Variants in SCFD1 observed in about 807,000 individuals in gnomAD.
SCFD1 encodes sec1 family domain containing 1.
A neutral mutation model predicts 103.2 loss-of-function variants in SCFD1; 37 were observed. The observed-to-expected ratio is 0.36, with a 90% CI of 0.28 to 0.47. The LOEUF (loss-of-function observed/expected upper bound fraction) is 0.47. Among genes scored for constraint, SCFD1 ranks in the 20% least tolerant of loss-of-function variants. SCFD1 has a pLI of 1.00. For synonymous variants in SCFD1, 264 were observed against 245.0 expected, an observed-to-expected ratio of 1.08 and a Z score of -0.73; for missense variants, 639 against 761.2, an observed-to-expected ratio of 0.84 and a Z score of 1.89.
At chr14:30,661,318 A>C (rs1213027503) in intron 10 of SCFD1, among the ~76,000 whole-genome samples, 3 of 152,196 alleles carry the variant, frequency 2.0e-5, no homozygotes, top group Non-Finnish European at 4.4e-5. Context: ...ACTGTTATGT[A>C]AAGCAGAAAA....
rs61645782 is a variant in SCFD1 at position 30,632,046 on chromosome 14, GAAAAAAAAAAAA to G, written c.221+1495_221+1506del. On this transcript the variant is annotated intron_variant, in intron 3 of 24. Coordinates refer to ENST00000458591, the MANE Select transcript of SCFD1 (RefSeq NM_016106.4). ...CTGGGCAGCAGAGCAAGATTCTGTT[GAAAAAAAAAAAA>G]AAAAAAAAAAAAAGAACGTTTGGAG... Among the ~76,000 whole-genome samples the G allele has an allele frequency of 1.7e-3, 116 of 70,272 alleles. 1 individual carries two copies. Among genetic ancestry groups the G allele is most frequent in the African/African-American group, 5.3e-3 (96 of 17,946 alleles). 46.1% of individuals were successfully genotyped at this position (70,272 alleles called of 152,430 possible).
intron 6 of SCFD1, among the ~76,000 whole-genome samples, chr14:30,641,040 T>C (rs982964639): frequency 6.6e-6 from 1 of 152,098 alleles, no homozygotes; most frequent in Admixed American, 6.5e-5. Flanking sequence ...GTAGAAATTA[T>C]TTCCATTTTC....
At chr14:30,631,277 C>G in intron 3 of SCFD1, among the ~76,000 whole-genome samples, 1 of 152,130 alleles carries the variant, frequency 6.6e-6, no homozygotes, top group African/African-American at 2.4e-5. Flanking sequence ...CACTTGAACC[C>G]GGGAGGCAGA....
chr14:30,630,876 C>T (rs1363223106), intron 3 of SCFD1: 1 of 265,934 alleles, frequency 3.8e-6, no homozygotes, highest in Non-Finnish European at 7.1e-6. Context: ...CACAGATTCT[C>T]CTTGACCTAC....
chr14:30,628,106 A>G, intron 1 of SCFD1, 103 bp from the exon 2 acceptor site: 2 of 713,790 alleles, frequency 2.8e-6, no homozygotes, highest in Admixed American at 5.0e-5. Flanking sequence ...CAGTTTTACT[A>G]GAGTTGATTA....
chr14:30,702,480 G>T (rs1244590832), intron 17 of SCFD1, 105 bp downstream of exon 17: 1 of 636,180 alleles, frequency 1.6e-6, no homozygotes, highest in African/African-American at 1.9e-5. Flanking sequence ...ACAATGCCTT[G>T]GTGGTTTTAT....
chr14:30,638,331 A>G, intron 5 of SCFD1, 84 bp downstream of exon 5: 2 of 1,575,514 alleles, frequency 1.3e-6, no homozygotes, highest in South Asian at 1.1e-5. Context: ...ATAGATATCT[A>G]TTTGACAGAT....
At chr14:30,650,203 A>G (rs984336228) in intron 8 of SCFD1, among the ~76,000 whole-genome samples, 1 of 152,134 alleles carries the variant, frequency 6.6e-6, no homozygotes, top group Non-Finnish European at 1.5e-5. Flanking sequence ...GTTCACTCCT[A>G]CCCACCCAAG....
At chr14:30,627,692 G>C (rs1156915363) in intron 1 of SCFD1, among the ~76,000 whole-genome samples, 2 of 147,768 alleles carry the variant, frequency 1.4e-5, no homozygotes, top group African/African-American at 5.0e-5. Context: ...GTGGTGAGCC[G>C]AGATCACGCC....
At chr14:30,664,121 A>ACT (rs1887696671) in intron 10 of SCFD1, among the ~76,000 whole-genome samples, 2 of 152,118 alleles carry the variant, frequency 1.3e-5, no homozygotes, top group Admixed American at 1.3e-4. Flanking sequence ...GACATCTCCC[A>ACT]GTAGGGGCTG....
chr14:30,697,593 A>G (rs2139323813), intron 15 of SCFD1, among the ~76,000 whole-genome samples: 1 of 152,354 alleles, frequency 6.6e-6, no homozygotes, highest in Admixed American at 6.5e-5. Flanking sequence ...ATAGTGGGAA[A>G]GTACTAAGCA....
intron 14 of SCFD1, among the ~76,000 whole-genome samples, chr14:30,691,427 A>T (rs1248458076): frequency 6.6e-6 from 1 of 151,846 alleles, no homozygotes; most frequent in Non-Finnish European, 1.5e-5. Flanking sequence ...CTCTTTAAAA[A>T]CTCTTGAAAG....
intron 10 of SCFD1, among the ~76,000 whole-genome samples, chr14:30,659,321 T>C (rs943874032): frequency 2.0e-5 from 3 of 152,096 alleles, no homozygotes; most frequent in Non-Finnish European, 4.4e-5. Context: ...TGTAATCAAT[T>C]AATAATTTAA....
intron 18 of SCFD1, among the ~76,000 whole-genome samples, chr14:30,706,989 C>T (rs1891514460): frequency 6.6e-6 from 1 of 152,198 alleles, no homozygotes; most frequent in South Asian, 2.1e-4. Context: ...ACAAGGATTA[C>T]TTTCTCTTGC....
intron 1 of SCFD1, among the ~76,000 whole-genome samples, chr14:30,627,517 C>T (rs1305227898): frequency 6.6e-6 from 1 of 152,024 alleles, no homozygotes; most frequent in Non-Finnish European, 1.5e-5. Context: ...GAGGCCAAGG[C>T]GGGTGGATCA....
At chr14:30,734,711 G>A (rs1893714825) in intron 23 of SCFD1, 79 bp from the exon 24 acceptor site, 2 of 1,096,336 alleles carry the variant, frequency 1.8e-6, no homozygotes, top group Admixed American at 1.7e-5. Context: ...AAAAAAACTA[G>A]CATATTAATC....
intron 3 of SCFD1, among the ~76,000 whole-genome samples, chr14:30,632,198 A>G (rs544986997): frequency 6.6e-6 from 1 of 152,086 alleles, no homozygotes; most frequent in South Asian, 2.1e-4. Flanking sequence ...ACCAATTTTT[A>G]TGATATCATA....
rs778752472 is a variant in SCFD1 at position 30,634,047 on chromosome 14, G to A, written c.312+10G>A. 1.3e-5 allele frequency: 19 copies of A among 1,482,582 alleles called. No homozygotes were observed. In the Admixed American group the frequency reaches 3.3e-4, roughly 26 times the overall value. 91.8% of individuals were successfully genotyped at this position (1,482,582 alleles called of 1,614,324 possible). On this transcript the variant is annotated intron_variant, in intron 4 of 24. Transcript: ENST00000458591. ...TGACAGAATGTGCCAGGTAATATGG[G>A]TTCTTATTTTCTGGACTCCTGAATT...
chr14:30,664,988 G>A (rs899145180), intron 10 of SCFD1, among the ~76,000 whole-genome samples: 13 of 152,194 alleles, frequency 8.5e-5, no homozygotes, highest in South Asian at 6.2e-4. Context: ...TATTATCCAG[G>A]AGAACTTCCC....
Sources: allele counts gnomAD v4.1 joint callset (sites outside exome capture counted in the v4.1 genomes callset), GRCh38; gene constraint gnomAD v4.1.1; transcripts MANE v1.5; gene names NCBI Gene and HGNC (gene_info 2026-07-23, HGNC 2026-07-21).